CEP128: variants seen among roughly 807,000 people sequenced by gnomAD.
CEP128 encodes the protein centrosomal protein 128kDa.
A neutral mutation model predicts 156.7 loss-of-function variants in CEP128; 132 were observed. The ratio of observed to expected loss-of-function variants is 0.84; its 90% CI spans 0.73 to 0.97. CEP128 has a LOEUF of 0.97. Ranked by LOEUF, CEP128 falls within the 50% of genes least tolerant of loss-of-function variation. CEP128 has a pLI of 0.00. For missense variants in CEP128, 1,252 were observed against 1,281.9 expected (o/e 0.98, Z 0.36); for synonymous variants, 469 against 448.9 (o/e 1.04, Z -0.57).
chr14:80,705,965 G>A (rs1897227708), intron 19 of CEP128, among the ~76,000 whole-genome samples: 1 of 152,120 alleles, frequency 6.6e-6, no homozygotes, highest in Non-Finnish European at 1.5e-5. Flanking sequence ...ACAGGTACAA[G>A]GATGTTGTGT....
At position 80,916,566 on chromosome 14, in the gene CEP128, TTAAA is replaced by T. The variant is rs1884575260; in HGVS notation, c.-15-8_-15-5del. 1 of 1,604,438 alleles carries T rather than the reference TTAAA, an allele frequency of 6.2e-7. No individual in the cohort carries two copies. The highest frequency in any genetic ancestry group is 1.1e-5 in the South Asian group (1 of 89,828). On this transcript the variant is annotated splice_region_variant and splice_polypyrimidine_tract_variant and intron_variant, in intron 2 of 24. Coordinates refer to ENST00000555265, the MANE Select transcript of CEP128 (RefSeq NM_152446.5). Reference sequence around the variant, plus strand: ...CTGCCATTGATGTACACAAATCCTTTTAAATAAATATAGGTCAAAGTTAATGAAA... The same window carrying T: ...CTGCCATTGATGTACACAAATCCTTTTAAATATAGGTCAAAGTTAATGAAA...
chr14:80,736,113 T>G (rs1490111726), intron 19 of CEP128, among the ~76,000 whole-genome samples: 2 of 152,102 alleles, frequency 1.3e-5, no homozygotes, highest in Non-Finnish European at 2.9e-5. Context: ...TATGCAACAT[T>G]ATAGAAAAGA....
upstream of CEP128, chr14:80,941,849 C>G (rs187239402): frequency 6.6e-6 from 1 of 152,532 alleles, no homozygotes; most frequent in African/African-American, 2.4e-5. Flanking sequence ...GAGAGAGTCC[C>G]GAAAAGGAAC....
chr14:80,520,311 C>T (rs568392549), intron 23 of CEP128, among the ~76,000 whole-genome samples: 2 of 152,076 alleles, frequency 1.3e-5, no homozygotes, highest in Non-Finnish European at 1.5e-5. Flanking sequence ...CCCAGCTACT[C>T]GGGAGGCTGA....
At chr14:80,883,720 A>G (rs1031649233) in intron 8 of CEP128, among the ~76,000 whole-genome samples, 1 of 151,816 alleles carries the variant, frequency 6.6e-6, no homozygotes, top group African/African-American at 2.4e-5. Context: ...ACTGAAATAG[A>G]AAAAAAATCC....
chr14:80,719,278 T>C (rs1897725555), intron 19 of CEP128, among the ~76,000 whole-genome samples: 1 of 152,208 alleles, frequency 6.6e-6, no homozygotes, highest in South Asian at 2.1e-4. Context: ...TAAATACAGT[T>C]GTCAAGAGCC....
intron 3 of CEP128, among the ~76,000 whole-genome samples, chr14:80,915,677 A>G (rs1884506907): frequency 6.6e-6 from 1 of 152,206 alleles, no homozygotes; most frequent in Non-Finnish European, 1.5e-5. Flanking sequence ...ACCCACAAAT[A>G]ATCTACCTCA....
intron 3 of CEP128, among the ~76,000 whole-genome samples, chr14:80,915,519 T>G (rs1378812978): frequency 6.6e-6 from 1 of 152,178 alleles, no homozygotes; most frequent in Admixed American, 6.5e-5. Context: ...ATTTCTGAGT[T>G]TTCTTTTTTT....
intron 19 of CEP128, among the ~76,000 whole-genome samples, chr14:80,738,040 CT>C (rs1291489514): frequency 6.6e-6 from 1 of 152,112 alleles, no homozygotes; most frequent in Non-Finnish European, 1.5e-5. Context: ...TTGCTTCTTC[CT>C]GTTTTGGGAC....
rs181951152 is a variant in CEP128, at chr14:80,710,011, A to C, written c.2806+33064T>G. 2.1e-3 allele frequency among the ~76,000 whole-genome samples: 320 copies of C among 151,904 alleles called. 1 individual carries two copies. The highest frequency in any genetic ancestry group is 7.4e-3 in the African/African-American group (306 of 41,436). On this transcript the variant is annotated intron_variant, in intron 19 of 24. Coordinates refer to ENST00000555265, the MANE Select transcript of CEP128 (RefSeq NM_152446.5). ...ATTGTCTTAAAAAAAAAAAGCCAGC[A>C]CAACAATTTGTTTTGTACCCTGTTT...
chr14:80,825,916 G>A (rs556419769), intron 13 of CEP128, among the ~76,000 whole-genome samples: 21 of 151,914 alleles, frequency 1.4e-4, no homozygotes, highest in Non-Finnish European at 2.4e-4. Flanking sequence ...GACCAGCCTC[G>A]CCAACATGGT....
chr14:80,657,001 T>A (rs1895199377), intron 19 of CEP128, among the ~76,000 whole-genome samples: 1 of 152,208 alleles, frequency 6.6e-6, no homozygotes, highest in African/African-American at 2.4e-5. Context: ...GACTCATCAC[T>A]ATAATCCCAG....
At chr14:80,797,744 T>C (rs1257993163) in intron 13 of CEP128, among the ~76,000 whole-genome samples, 1 of 152,168 alleles carries the variant, frequency 6.6e-6, no homozygotes, top group Non-Finnish European at 1.5e-5. Flanking sequence ...AACATATACA[T>C]AGAGCACATA....
chr14:80,831,541 C>T lies in CEP128; in HGVS notation c.1058-247G>A, dbSNP rs146883764. ...TTAAAATGTTACCTGATTTCTACTG[C>T]AATTTATTTCAAGAAAATCACACAC... On this transcript the variant is annotated intron_variant, in intron 12 of 24. Coordinates refer to ENST00000555265, the MANE Select transcript of CEP128 (RefSeq NM_152446.5). Among the ~76,000 whole-genome samples, 1,246 of 151,430 alleles carry T rather than the reference C, an allele frequency of 8.2e-3. 13 individuals carry two copies. Among genetic ancestry groups the T allele is most frequent in the Non-Finnish European group, 0.01 (685 of 67,916 alleles).
intron 2 of CEP128, among the ~76,000 whole-genome samples, chr14:80,932,321 G>A (rs1885515972): frequency 6.6e-6 from 1 of 152,218 alleles, no homozygotes; most frequent in Non-Finnish European, 1.5e-5. Flanking sequence ...GGAAGAAATG[G>A]TTCCGCAACC....
chr14:80,812,854 C>T (rs946521196), intron 13 of CEP128, among the ~76,000 whole-genome samples: 6 of 152,104 alleles, frequency 3.9e-5, no homozygotes, highest in African/African-American at 9.7e-5. Flanking sequence ...TGAGCCACCG[C>T]GCCCGGCCTG....
chr14:80,954,883 T>C (rs1049500404), intron 2 of CEP128: 6 of 152,554 alleles, frequency 3.9e-5, no homozygotes, highest in African/African-American at 1.2e-4. Context: ...TAAGGGAACC[T>C]GGAATTATTT....
At position 80,836,190 on chromosome 14, in the gene CEP128, C is replaced by T. The variant is rs745648801; in HGVS notation, c.1057+15G>A. ...ACACACATTATCACATTATTAGGTA[C>T]AAATCTACTTTTACCTCTCCTAAAT... is the stretch of plus-strand genomic sequence containing the variant. On this transcript the variant is annotated intron_variant, in intron 12 of 24. Transcript: ENST00000555265. 1.2e-6 allele frequency: 2 copies of T among 1,612,658 alleles called. No individual in the cohort carries two copies. The highest frequency in any genetic ancestry group is 1.7e-5 in the Admixed American group (1 of 59,936).
chr14:80,959,231 C>A lies in CEP128; in HGVS notation c.-280+201G>T, dbSNP rs558664087. On this transcript the variant is annotated intron_variant, in intron 1 of 7. Transcript: ENST00000555529. ...AGGGAGAGCTGGGATCCCTACTTCC[C>A]CCACTGCCAGTGGAACATTCTAGAA... Among the ~76,000 whole-genome samples the A allele has an allele frequency of 2.6e-5, 4 of 152,180 alleles. No individual in the cohort carries two copies. The South Asian group carries it at 6.2e-4, about 24-fold the overall frequency.
Sources: gnomAD v4.1 joint callset for allele counts (sites outside exome capture counted in the v4.1 genomes callset) on GRCh38, gnomAD v4.1.1 for gene constraint, MANE v1.5 for transcripts, NCBI Gene and HGNC (gene_info 2026-07-23, HGNC 2026-07-21) for gene names.